Variants in CLIP1 observed in about 807,000 individuals in gnomAD.
The protein encoded by CLIP1 is CAP-Gly domain-containing linker protein 1.
CLIP1 carries 66 observed loss-of-function variants against 161.6 expected under a neutral mutation model. That is an observed-to-expected ratio of 0.41 (90% CI 0.33 to 0.50). CLIP1 has a LOEUF of 0.50. Ranked by LOEUF, CLIP1 falls within the 20% of genes least tolerant of loss-of-function variation. The pLI, the probability that CLIP1 is intolerant of heterozygous loss-of-function variation, is 0.27. For missense variants in CLIP1, 1,376 were observed against 1,702.0 expected (o/e 0.81, Z 3.37); for synonymous variants, 598 against 626.2 (o/e 0.96, Z 0.67).
chr12:122,346,087 T>C (rs926572368), intron 10 of CLIP1, among the ~76,000 whole-genome samples: 1 of 152,108 alleles, frequency 6.6e-6, no homozygotes, highest in African/African-American at 2.4e-5. Context: ...CGCCTGGCCA[T>C]TTCTTAATCT....
At chr12:122,293,697 C>T (rs1950346350) in intron 20 of CLIP1, among the ~76,000 whole-genome samples, 1 of 151,806 alleles carries the variant, frequency 6.6e-6, no homozygotes, top group Non-Finnish European at 1.5e-5. Flanking sequence ...AGGCTGGTCT[C>T]GAACTCCTGA....
intron 1 of CLIP1, among the ~76,000 whole-genome samples, chr12:122,388,221 A>G (rs1194466055): frequency 1.4e-5 from 2 of 143,214 alleles, no homozygotes; most frequent in Non-Finnish European, 3.1e-5. Flanking sequence ...TAGGCCAGCT[A>G]TTTTTTTTTT....
Position 122,422,657 on chromosome 12 carries a change from G to A in CLIP1, c.-243C>T, listed in dbSNP as rs1159688541. ...CGCGCCGCCGCCGCCGCGGGGCCGG[G>A]CGGGCGCGCGCTGCCAGGAGAAGAC... On this transcript the variant is annotated 5_prime_UTR_variant, in exon 1 of 26. Coordinates refer to ENST00000620786, the MANE Select transcript of CLIP1 (RefSeq NM_001247997.2). 6.9e-6 allele frequency: 1 copy of A among 144,256 alleles called. No homozygotes were observed. The highest frequency in any genetic ancestry group is 1.5e-5 in the Non-Finnish European group (1 of 65,066). 8.9% of individuals were successfully genotyped at this position (144,256 alleles called of 1,614,324 possible). A position where few individuals can be genotyped will look rare whatever the true frequency, so the allele number is the denominator to read the frequency against.
At chr12:122,344,302 T>G (rs1307797344) in intron 10 of CLIP1, among the ~76,000 whole-genome samples, 1 of 152,230 alleles carries the variant, frequency 6.6e-6, no homozygotes, top group African/African-American at 2.4e-5. Flanking sequence ...TTCGTGGTTA[T>G]AGACTCATCA....
chr12:122,326,144 T>C (rs1246298643), intron 17 of CLIP1, among the ~76,000 whole-genome samples: 1 of 152,372 alleles, frequency 6.6e-6, no homozygotes, highest in East Asian at 1.9e-4. Flanking sequence ...AGTCTGGGAC[T>C]GATTACGATC....
chr12:122,297,698 G>A (rs1043960415), intron 20 of CLIP1, among the ~76,000 whole-genome samples: 1 of 152,184 alleles, frequency 6.6e-6, no homozygotes, highest in Non-Finnish European at 1.5e-5. Flanking sequence ...TCTGCTCCTG[G>A]AAGTGCAGAA....
chr12:122,334,180 T>C, intron 13 of CLIP1, 70 bp from the exon 14 acceptor site: 1 of 921,756 alleles, frequency 1.1e-6, no homozygotes, highest in Non-Finnish European at 1.7e-6. Flanking sequence ...TTGGCTGTCT[T>C]ACAACCCAGT....
chr12:122,386,838 AAAGAG>A (rs1203112495), intron 1 of CLIP1, among the ~76,000 whole-genome samples: 2 of 150,664 alleles, frequency 1.3e-5, no homozygotes, highest in Non-Finnish European at 2.9e-5. Flanking sequence ...AAAAAAAAAA[AAAGAG>A]AGAGAGATTC....
chr12:122,372,238 TG>T, intron 3 of CLIP1, among the ~76,000 whole-genome samples: 1 of 151,736 alleles, frequency 6.6e-6, no homozygotes, highest in East Asian at 1.9e-4. Flanking sequence ...CTGACCAACA[TG>T]GAAAAACCCC....
At chr12:122,334,620 A>C (rs1436696171) in intron 13 of CLIP1, 28 bp downstream of exon 13, 5 of 1,505,120 alleles carry the variant, frequency 3.3e-6, no homozygotes, top group Non-Finnish European at 3.6e-6. Flanking sequence ...TTTTTAAAGC[A>C]ATCTGCACAC....
At chr12:122,318,345 C>T (rs1951349098) in intron 18 of CLIP1, among the ~76,000 whole-genome samples, 1 of 152,168 alleles carries the variant, frequency 6.6e-6, no homozygotes, top group Non-Finnish European at 1.5e-5. Flanking sequence ...ACAGCCTGGC[C>T]AACATGGCAA....
intron 1 of CLIP1, among the ~76,000 whole-genome samples, chr12:122,413,636 A>G (rs1405132220): frequency 6.6e-6 from 1 of 152,224 alleles, no homozygotes; most frequent in Non-Finnish European, 1.5e-5. Flanking sequence ...CTGTAGTCTC[A>G]TTAGCATTCC....
intron 20 of CLIP1, among the ~76,000 whole-genome samples, chr12:122,297,715 G>C (rs1950526379): frequency 6.6e-6 from 1 of 152,122 alleles, no homozygotes; most frequent in Non-Finnish European, 1.5e-5. Context: ...AGAAGGTAAT[G>C]GGAAAAAACG....
intron 12 of CLIP1, among the ~76,000 whole-genome samples, chr12:122,334,996 C>T (rs1301971269): frequency 1.3e-5 from 2 of 152,146 alleles, no homozygotes; most frequent in African/African-American, 4.8e-5. Context: ...CATGCATGTG[C>T]GTGTATACAT....
Position 122,340,941 on chromosome 12 carries a change from G to C in CLIP1, c.2263C>G (p.Gln755Glu). The C allele has an allele frequency of 1.9e-6, 3 of 1,614,150 alleles. No individual in the cohort carries two copies. The highest frequency in any genetic ancestry group is 1.1e-5 in the South Asian group (1 of 91,078). ...GTAAAATTATCAATAACCTTGGTTTGTTCATTGCATTTGGCTTGCAGTACC... is the reference window on the plus strand; with the variant it reads ...GTAAAATTATCAATAACCTTGGTTTCTTCATTGCATTTGGCTTGCAGTACC... ...LEVLQAKCNEQTKVIDNFTSQ... is the reference protein window; with the variant it reads ...LEVLQAKCNEETKVIDNFTSQ... The change falls in exon 11 of 26, where the codon CAA becomes GAA. Residue 755 changes from glutamine (Q) to glutamate (E), a missense_variant. Around this residue, in one of 6 missense-constraint regions of CLIP1, gnomAD observed 948 missense variants for 1,134.8 expected, o/e 0.84. Coordinates refer to ENST00000620786, the MANE Select transcript of CLIP1 (RefSeq NM_001247997.2).
At chr12:122,309,604 G>A (rs996783587) in intron 20 of CLIP1, among the ~76,000 whole-genome samples, 158 bp downstream of exon 20, 1 of 152,090 alleles carries the variant, frequency 6.6e-6, no homozygotes, top group South Asian at 2.1e-4. Flanking sequence ...ACAGCAGCAC[G>A]TTTGAAAACA....
At chr12:122,404,918 A>C (rs539585441) in intron 1 of CLIP1, among the ~76,000 whole-genome samples, 1,967 of 145,346 alleles carry the variant, frequency 0.014, 55 homozygotes, top group African/African-American at 0.041. Flanking sequence ...AAAACAAAAC[A>C]AAAAAAAACC....
chr12:122,377,292 G>A, intron 3 of CLIP1, 97 bp downstream of exon 3: 11 of 1,144,192 alleles, frequency 9.6e-6, no homozygotes, highest in Non-Finnish European at 1.4e-5. Flanking sequence ...ATAGGTGTGA[G>A]CCACCGCGCC....
At chr12:122,360,908 G>A in intron 5 of CLIP1, 51 bp downstream of exon 5, 1 of 1,470,616 alleles carries the variant, frequency 6.8e-7, no homozygotes, top group Non-Finnish European at 9.2e-7. Flanking sequence ...CTGACCACGG[G>A]CCTTAATCCT....
Sources: allele counts gnomAD v4.1 joint callset (sites outside exome capture counted in the v4.1 genomes callset), GRCh38; gene constraint gnomAD v4.1.1; regional missense constraint gnomAD v4.1.1; transcripts MANE v1.5; gene names NCBI Gene and HGNC (gene_info 2026-07-23, HGNC 2026-07-21).